ADAMTS10: variants seen among roughly 807,000 people sequenced by gnomAD.
The protein encoded by ADAMTS10 is A disintegrin and metalloproteinase with thrombospondin motifs 10.
A neutral mutation model predicts 135.9 loss-of-function variants in ADAMTS10; 48 were observed. That is an observed-to-expected ratio of 0.35 (90% CI 0.28 to 0.45). The LOEUF (loss-of-function observed/expected upper bound fraction) is 0.45, where lower values mean the gene tolerates loss of function less well. Among genes scored for constraint, ADAMTS10 ranks in the 20% least tolerant of loss-of-function variants. The pLI, the probability that ADAMTS10 is intolerant of heterozygous loss-of-function variation, is 1.00. For missense variants in ADAMTS10, 1,131 were observed against 1,565.2 expected, an observed-to-expected ratio of 0.72 and a Z score of 4.68; for synonymous variants, 621 against 647.5, an observed-to-expected ratio of 0.96 and a Z score of 0.62.
intron 22 of ADAMTS10, 32 bp from the exon 23 acceptor site, chr19:8,585,692 G>A: frequency 6.2e-7 from 1 of 1,603,784 alleles, no homozygotes. Flanking sequence ...GAGCAAGTAA[G>A]CAGGGCAGGG....
rs782583269 is a variant in ADAMTS10 at position 8,586,260 on chromosome 19, G to A, written c.2531-9C>T. The A allele has an allele frequency of 2.9e-5, 46 of 1,613,090 alleles. No homozygotes were observed. Among genetic ancestry groups the A allele is most frequent in the Non-Finnish European group, 3.1e-5 (37 of 1,179,862 alleles). On this transcript the variant is annotated splice_polypyrimidine_tract_variant and intron_variant, in intron 21 of 25. Transcript: ENST00000597188. The stretch of plus-strand genomic sequence containing the variant: ...CGCCTGCACCTGGCTACCTGGAGGG[G>A]AGGGTGAGAGGCCTGCTCAGCCCCT...
At chr19:8,592,642 G>T in intron 13 of ADAMTS10, 121 bp downstream of exon 13, 1 of 1,021,834 alleles carries the variant, frequency 9.8e-7, no homozygotes, top group Non-Finnish European at 1.5e-6. Context: ...AGCACAAATG[G>T]CGGGCGTGGC....
At chr19:8,592,156 GC>G (rs1555739149) in intron 13 of ADAMTS10, 53 bp from the exon 14 acceptor site, 1 of 1,612,536 alleles carries the variant, frequency 6.2e-7, no homozygotes, top group Non-Finnish European at 8.5e-7. Flanking sequence ...ACACTCGTCG[GC>G]CCCATGCACC....
intron 13 of ADAMTS10, among the ~76,000 whole-genome samples, 197 bp downstream of exon 13, chr19:8,592,566 A>G (rs1321493044): frequency 6.7e-6 from 1 of 148,584 alleles, no homozygotes; most frequent in Non-Finnish European, 1.5e-5. Flanking sequence ...GAACCAAGGG[A>G]CGCATAGACG....
At chr19:8,606,721 A>C (rs1555742666) in intron 2 of ADAMTS10, among the ~76,000 whole-genome samples, 2 of 152,122 alleles carry the variant, frequency 1.3e-5, no homozygotes. Flanking sequence ...ACATTGCTAG[A>C]AAGTGGTAGA....
At chr19:8,588,508 A>T (rs1555737888) in intron 18 of ADAMTS10, among the ~76,000 whole-genome samples, 1 of 152,126 alleles carries the variant, frequency 6.6e-6, no homozygotes, top group Non-Finnish European at 1.5e-5. Flanking sequence ...TCCCTCTGAC[A>T]GTGCCTACGG....
chr19:8,589,243 G>C lies in ADAMTS10; in HGVS notation c.2157C>G (p.Ala719=), dbSNP rs150468696. ...GGGAGGGAAGCTGGAGACTCTCACC[G>C]GCCCCAGGTGAGGCTGGGCTGAAGA... ...EGVFSPASPG[A]GYEDVVWIPK... The change falls in exon 18 of 26, where the codon GCC becomes GCG. Residue 719 remains alanine, a splice_region_variant and synonymous_variant. Transcript: ENST00000597188. 5.6e-3 allele frequency: 8,980 copies of C among 1,612,584 alleles called. 43 individuals are homozygous for C. The highest frequency in any genetic ancestry group is 6.8e-3 in the Non-Finnish European group (7,970 of 1,179,954).
intron 7 of ADAMTS10, 44 bp downstream of exon 7, chr19:8,597,190 T>C (rs1555740469): frequency 1.2e-6 from 2 of 1,613,910 alleles, no homozygotes; most frequent in East Asian, 2.2e-5. Flanking sequence ...CGGCAGGACA[T>C]GCTGGTATGA....
At chr19:8,584,611 A>C (rs2042398491) in intron 25 of ADAMTS10, among the ~76,000 whole-genome samples, 1 of 152,174 alleles carries the variant, frequency 6.6e-6, no homozygotes, top group Non-Finnish European at 1.5e-5. Context: ...ATATTCAGGA[A>C]ATTGTGCTAC....
At chr19:8,598,304 C>T (rs2042627089) in intron 6 of ADAMTS10, among the ~76,000 whole-genome samples, 2 of 151,914 alleles carry the variant, frequency 1.3e-5, no homozygotes, top group South Asian at 2.1e-4. Context: ...CCCTGCTTAC[C>T]CCCCTGACTG....
intron 15 of ADAMTS10, among the ~76,000 whole-genome samples, chr19:8,590,341 T>A (rs1275329802): frequency 6.6e-6 from 1 of 152,170 alleles, no homozygotes; most frequent in African/African-American, 2.4e-5. Context: ...GTGCATGATC[T>A]TAGCTCATTG....
Position 8,596,089 on chromosome 19 carries a change from T to G in ADAMTS10, c.1321A>C (p.Ile441Leu), listed in dbSNP as rs142981402. The change falls in exon 11 of 26, where the codon ATC becomes CTC. Residue 441 changes from isoleucine (I) to leucine (L), a missense_variant. Around this residue, in one of 3 missense-constraint regions of ADAMTS10, gnomAD observed 745 missense variants for 1,056.3 expected, o/e 0.71. Transcript: ENST00000597188. This position sits in a 1 kb window ranked among gnomAD's most constrained non-coding sequence, Gnocchi z 7.2. ...CATCCTCACTCTAGAAAGCTGGTGATGTAGTCACGGCTGCAGGATGACCAC... is the reference window on the plus strand; with the variant it reads ...CATCCTCACTCTAGAAAGCTGGTGAGGTAGTCACGGCTGCAGGATGACCAC... ...FVWSSCSRDY[I>L]TSFLDSGLGL... 4 of 1,614,194 alleles carry G rather than the reference T, an allele frequency of 2.5e-6. No homozygotes were observed. In the South Asian group the frequency reaches 4.4e-5, roughly 18 times the overall value.
At chr19:8,608,539 T>C (rs1241780336) in intron 1 of ADAMTS10, among the ~76,000 whole-genome samples, 2 of 152,124 alleles carry the variant, frequency 1.3e-5, no homozygotes, top group East Asian at 3.9e-4. Flanking sequence ...GCTCCTGCCC[T>C]GAGCCACCCC....
intron 25 of ADAMTS10, among the ~76,000 whole-genome samples, chr19:8,584,354 G>A (rs1555736335): frequency 3.3e-5 from 5 of 151,618 alleles, no homozygotes; most frequent in Non-Finnish European, 5.9e-5. Context: ...GTGGGTAGAA[G>A]CCGGGGATGC....
At chr19:8,582,207 C>T (rs1056341778) in intron 25 of ADAMTS10, among the ~76,000 whole-genome samples, 13 of 152,106 alleles carry the variant, frequency 8.5e-5, no homozygotes, top group African/African-American at 2.9e-4. Context: ...TGGTGGCTCA[C>T]GCCTGTAATC....
intron 13 of ADAMTS10, 113 bp downstream of exon 13, chr19:8,592,650 G>C (rs1412122243): frequency 9.1e-7 from 1 of 1,098,650 alleles, no homozygotes; most frequent in Admixed American, 2.0e-5. Flanking sequence ...TGGCGGGCGT[G>C]GCCAATGTGG....
In ADAMTS10 at chr19:8,589,571, A is replaced by G; in HGVS notation, c.1915T>C (p.Cys639Arg). The G allele has an allele frequency of 6.2e-7, 1 of 1,613,412 alleles. No homozygotes were observed. The highest frequency in any genetic ancestry group is 8.5e-7 in the Non-Finnish European group (1 of 1,179,952). The stretch of plus-strand genomic sequence containing the variant: ...CCTTCCGCTAGGCACGTGAGCGAGC[A>G]GGCCTTCACGCCCCCTGGGGGGCAC... ...KTYRGGGVKA[C>R]SLTCLAEGFN... Residue 639 changes from cysteine (C) to arginine (R), a missense_variant, in exon 17 of 26, where the codon TGC (cysteine) becomes CGC (arginine). Transcript: ENST00000597188.
chr19:8,586,402 C>T lies in ADAMTS10; in HGVS notation c.2472G>A (p.Leu824=). The T allele has an allele frequency of 1.9e-6, 3 of 1,613,910 alleles. No homozygotes were observed. The highest frequency in any genetic ancestry group is 2.5e-6 in the Non-Finnish European group (3 of 1,179,992). Residue 824 remains leucine, a synonymous_variant, in exon 21 of 26, where the codon CTG becomes CTA. Transcript: ENST00000597188. ...GCGCATAGTGCCAGGAGTAGGGGGG[C>T]AGCGAGTCACGGGCGATGGGGGCAT... ...RFNAPIARDS[L]PPYSWHYAPW... is the part of the protein sequence containing the mutation.
At chr19:8,593,004 T>C (rs1228507005) in intron 12 of ADAMTS10, 134 bp from the exon 13 acceptor site, 31 of 786,694 alleles carry the variant, frequency 3.9e-5, no homozygotes, top group Non-Finnish European at 6.4e-5. Context: ...CCTTCCTGGC[T>C]CGCGGTGGGT....
Sources: gnomAD v4.1 joint callset for allele counts (sites outside exome capture counted in the v4.1 genomes callset) on GRCh38, gnomAD v4.1.1 for gene constraint, gnomAD v4.1.1 regional missense constraint, Gnocchi (gnomAD v3.1) non-coding constraint, MANE v1.5 for transcripts, NCBI Gene and HGNC (gene_info 2026-07-23, HGNC 2026-07-21) for gene names.